Variants in NUP37 observed in about 807,000 individuals in gnomAD.
NUP37 encodes the protein nucleoporin Nup37.
NUP37 carries 33 observed loss-of-function variants against 45.4 expected under a neutral mutation model. The observed-to-expected ratio is 0.73, with a 90% CI of 0.55 to 0.97. The LOEUF (loss-of-function observed/expected upper bound fraction) is 0.97. Among genes scored for constraint, NUP37 ranks in the 50% least tolerant of loss-of-function variants. The probability of loss-of-function intolerance (pLI) is 0.00; values close to 1 mark genes in which losing one functional copy is unlikely to be tolerated. For synonymous variants in NUP37, 127 were observed against 130.7 expected, an observed-to-expected ratio of 0.97 and a Z score of 0.19; for missense variants, 365 against 389.7, an observed-to-expected ratio of 0.94 and a Z score of 0.53.
chr12:102,077,793 T>G (rs1357736633), intron 6 of NUP37, among the ~76,000 whole-genome samples: 2 of 152,230 alleles, frequency 1.3e-5, no homozygotes, highest in African/African-American at 4.8e-5. Context: ...GTGTATAAGG[T>G]ATACATGAAA....
intron 5 of NUP37, among the ~76,000 whole-genome samples, chr12:102,088,119 G>C (rs1316652077): frequency 6.6e-6 from 1 of 152,152 alleles, no homozygotes; most frequent in Non-Finnish European, 1.5e-5. Flanking sequence ...AATCCAAGTA[G>C]TAAGTATGTA....
chr12:102,096,903 TGGTGAACTAAG>T (rs1159412495), intron 5 of NUP37, among the ~76,000 whole-genome samples: 1 of 152,166 alleles, frequency 6.6e-6, no homozygotes, highest in East Asian at 1.9e-4. Context: ...TATTTTTGGT[TGGTGAACTAAG>T]CTGTAAATTC....
At chr12:102,117,901 A>G (rs1346347182) in intron 2 of NUP37, among the ~76,000 whole-genome samples, 1 of 152,216 alleles carries the variant, frequency 6.6e-6, no homozygotes, top group Admixed American at 6.5e-5. Context: ...CATATTCTGC[A>G]TACATTAGAT....
chr12:102,077,631 A>G, intron 6 of NUP37, 128 bp from the exon 7 acceptor site: 1 of 922,526 alleles, frequency 1.1e-6, no homozygotes, highest in Non-Finnish European at 1.6e-6. Context: ...AGCATTCCTC[A>G]TCTGAAAATC....
intron 3 of NUP37, among the ~76,000 whole-genome samples, chr12:102,102,766 T>G (rs932879028): frequency 6.6e-6 from 1 of 152,360 alleles, no homozygotes; most frequent in African/African-American, 2.4e-5. Context: ...CCAATTTCAG[T>G]TGATTCTGCA....
intron 3 of NUP37, among the ~76,000 whole-genome samples, chr12:102,102,281 C>T (rs1439398730): frequency 1.3e-5 from 2 of 152,140 alleles, no homozygotes; most frequent in Non-Finnish European, 2.9e-5. Context: ...TGCTACTACA[C>T]CCCTTTCCAG....
chr12:102,099,693 A>C (rs1879917598), intron 4 of NUP37, among the ~76,000 whole-genome samples: 1 of 152,208 alleles, frequency 6.6e-6, no homozygotes, highest in Non-Finnish European at 1.5e-5. Flanking sequence ...GACTGCTAGC[A>C]GTGAAGACAG....
intron 2 of NUP37, among the ~76,000 whole-genome samples, 154 bp from the exon 3 acceptor site, chr12:102,112,386 TA>T (rs971520512): frequency 2.6e-5 from 4 of 151,680 alleles, no homozygotes; most frequent in Admixed American, 6.6e-5. Flanking sequence ...TTCATTGAAT[TA>T]AAAAAAAATC....
At chr12:102,078,034 A>G (rs1879225941) in intron 6 of NUP37, among the ~76,000 whole-genome samples, 1 of 152,108 alleles carries the variant, frequency 6.6e-6, no homozygotes, top group African/African-American at 2.4e-5. Flanking sequence ...CAAGATAAAC[A>G]ATTCAAGATT....
intron 5 of NUP37, among the ~76,000 whole-genome samples, chr12:102,091,580 C>T (rs955115138): frequency 1.3e-5 from 2 of 151,872 alleles, no homozygotes; most frequent in Non-Finnish European, 2.9e-5. Flanking sequence ...TATTAACATA[C>T]ATAGTACATA....
At chr12:102,089,028 A>C (rs1375284520) in intron 5 of NUP37, among the ~76,000 whole-genome samples, 1 of 152,152 alleles carries the variant, frequency 6.6e-6, no homozygotes, top group East Asian at 1.9e-4. Flanking sequence ...GGTTGGGGGT[A>C]AGGTTATAGA....
chr12:102,086,746 C>G (rs113212339), intron 5 of NUP37, among the ~76,000 whole-genome samples: 1 of 151,880 alleles, frequency 6.6e-6, no homozygotes, highest in Non-Finnish European at 1.5e-5. Flanking sequence ...GGTGACAGAA[C>G]TCGGTGGGAG....
chr12:102,115,400 G>T (rs1469423048), intron 2 of NUP37, among the ~76,000 whole-genome samples: 1 of 152,200 alleles, frequency 6.6e-6, no homozygotes, highest in Admixed American at 6.5e-5. Flanking sequence ...TATTCAAGGG[G>T]TCTTCATTAG....
chr12:102,073,894 C>G lies in NUP37; in HGVS notation c.*460G>C, dbSNP rs1209791147. 1 of 152,108 alleles carries G rather than the reference C, an allele frequency of 6.6e-6. No individual in the cohort carries two copies. The highest frequency in any genetic ancestry group is 1.5e-5 in the Non-Finnish European group (1 of 68,094). 9.4% of individuals were successfully genotyped at this position (152,108 alleles called of 1,614,324 possible). Reference sequence around the variant, plus strand: ...ATGTTGGCCAGGTTGGTCTTGAACTCCTCACCTCAAGTGATCCACTCCCTT... The same window carrying G: ...ATGTTGGCCAGGTTGGTCTTGAACTGCTCACCTCAAGTGATCCACTCCCTT... On this transcript the variant is annotated 3_prime_UTR_variant, in exon 10 of 10. Coordinates refer to ENST00000552283, the MANE Select transcript of NUP37 (RefSeq NM_024057.4).
At chr12:102,091,783 C>T (rs1407770175) in intron 5 of NUP37, among the ~76,000 whole-genome samples, 1 of 152,148 alleles carries the variant, frequency 6.6e-6, no homozygotes, top group African/African-American at 2.4e-5. Context: ...TCTCTCCTGA[C>T]ATTGTGGTCC....
intron 6 of NUP37, among the ~76,000 whole-genome samples, chr12:102,081,458 G>C (rs964359851): frequency 6.6e-6 from 1 of 152,134 alleles, no homozygotes; most frequent in Non-Finnish European, 1.5e-5. Context: ...GAATTTCCAA[G>C]GTGGAAATAC....
chr12:102,118,816 A>T (rs545734280), intron 1 of NUP37, among the ~76,000 whole-genome samples: 1 of 152,360 alleles, frequency 6.6e-6, no homozygotes, highest in African/African-American at 2.4e-5. Flanking sequence ...ATAACACTGC[A>T]AAGTTCTGTT....
intron 3 of NUP37, among the ~76,000 whole-genome samples, chr12:102,111,151 A>G (rs1195961750): frequency 6.6e-6 from 1 of 152,202 alleles, no homozygotes; most frequent in African/African-American, 2.4e-5. Context: ...TATACATAAC[A>G]ATGTGGAAAA....
rs182120552 is a variant in NUP37 at position 102,081,411 on chromosome 12, A to G, written c.541-3908T>C. On this transcript the variant is annotated intron_variant, in intron 6 of 9. Coordinates refer to ENST00000552283, the MANE Select transcript of NUP37 (RefSeq NM_024057.4). ...ATGCTACAGGGGGAATTTTTCCTTT[A>G]GGAATTTTCAGAAGTATAAACAATA... 9.2e-5 allele frequency among the ~76,000 whole-genome samples: 14 copies of G among 152,318 alleles called. No individual in the cohort carries two copies. In the East Asian group the frequency reaches 2.7e-3, roughly 29 times the overall value.
Sources: gnomAD v4.1 joint callset for allele counts (sites outside exome capture counted in the v4.1 genomes callset) on GRCh38, gnomAD v4.1.1 for gene constraint, MANE v1.5 for transcripts, NCBI Gene and HGNC (gene_info 2026-07-23, HGNC 2026-07-21) for gene names.